The following ACACB variants were observed in gnomAD, a reference collection of about 807,000 sequenced individuals.
The protein encoded by ACACB is acetyl-CoA carboxylase beta, also known as acetyl-CoA carboxylase 2.
ACACB carries 209 observed loss-of-function variants against 278.8 expected under a neutral mutation model. That is an observed-to-expected ratio of 0.75 (90% CI 0.67 to 0.84). The LOEUF is 0.84. ACACB is among the 40% of genes least tolerant of loss of function. ACACB has a pLI of 0.00. For missense variants in ACACB, 2,850 were observed against 3,269.0 expected, an observed-to-expected ratio of 0.87 and a Z score of 3.13; for synonymous variants, 1,174 against 1,285.6, an observed-to-expected ratio of 0.91 and a Z score of 1.86.
At chr12:109,241,328 G>A (rs2046793797) in intron 36 of ACACB, 47 bp downstream of exon 36, 4 of 1,555,438 alleles carry the variant, frequency 2.6e-6, no homozygotes, top group African/African-American at 2.7e-5. Flanking sequence ...GCAGAAGCAG[G>A]CTGCTTGGGC....
In ACACB at chr12:109,264,567, A is replaced by G. The variant is rs17848843; in HGVS notation, c.6942+181A>G. ...CGATCCCCAGGTGGCACTGCAGACCAGTGAAATCCAAACACCTGGATGGAA... is the reference window on the plus strand; with the variant it reads ...CGATCCCCAGGTGGCACTGCAGACCGGTGAAATCCAAACACCTGGATGGAA... On this transcript the variant is annotated intron_variant, in intron 50 of 52. Coordinates refer to ENST00000338432, the MANE Select transcript of ACACB (RefSeq NM_001093.4). Among the ~76,000 whole-genome samples the G allele has an allele frequency of 9.2e-5, 14 of 152,296 alleles. No individual in the cohort carries two copies. In the East Asian group the frequency reaches 2.5e-3, roughly 27 times the overall value.
In ACACB at chr12:109,241,212, C is replaced by T. The variant is rs1396653432; in HGVS notation, c.4953C>T (p.Ile1651=). 6.2e-7 allele frequency: 1 copy of T among 1,614,252 alleles called. No individual in the cohort carries two copies. The highest frequency in any genetic ancestry group is 8.5e-7 in the Non-Finnish European group (1 of 1,180,050). The change falls in exon 36 of 53, where the codon ATC becomes ATT. Residue 1651 remains isoleucine (I), a synonymous_variant. Coordinates refer to ENST00000338432, the MANE Select transcript of ACACB (RefSeq NM_001093.4). The stretch of plus-strand genomic sequence containing the variant: ...GTGCCGTTCCCATCCGCCTGTTCAT[C>T]ACCAATGAGTCGGGCTACTACCTGG... ...TGSAVPIRLF[I]TNESGYYLDI...
intron 11 of ACACB, among the ~76,000 whole-genome samples, chr12:109,180,587 T>C (rs1291216403): frequency 1.3e-5 from 2 of 152,180 alleles, no homozygotes; most frequent in African/African-American, 4.8e-5. Context: ...TTTTTAATTT[T>C]GATGGGTATA....
chr12:109,149,374 T>C (rs2043315466), intron 2 of ACACB, among the ~76,000 whole-genome samples: 1 of 152,122 alleles, frequency 6.6e-6, no homozygotes, highest in South Asian at 2.1e-4. Flanking sequence ...TAACAGTTGG[T>C]GGCTTTGTTC....
At chr12:109,179,604 A>T (rs949796612) in intron 10 of ACACB, among the ~76,000 whole-genome samples, 7 of 152,094 alleles carry the variant, frequency 4.6e-5, no homozygotes, top group Non-Finnish European at 7.4e-5. Context: ...CTCCCACCTC[A>T]GCCTCCCAAG....
chr12:109,174,121 C>T lies in ACACB; in HGVS notation c.1118-11C>T, dbSNP rs73398025. The T allele has an allele frequency of 3.3e-4, 535 of 1,604,480 alleles. 2 individuals carry two copies. Among genetic ancestry groups the T allele is most frequent in the Middle Eastern group, 1.5e-3 (9 of 6,042 alleles). On this transcript the variant is annotated splice_polypyrimidine_tract_variant and intron_variant, in intron 6 of 52. Coordinates refer to ENST00000338432, the MANE Select transcript of ACACB (RefSeq NM_001093.4). ...CGGATTCTGCTTCCCTTCTTGTCCC[C>T]GATTCCTCAGGCCCTCCCAGTGAGG...
chr12:109,266,164 G>A, intron 52 of ACACB, 72 bp from the exon 53 acceptor site: 1 of 1,552,166 alleles, frequency 6.4e-7, no homozygotes, highest in Non-Finnish European at 8.7e-7. Context: ...CCCACACAAG[G>A]ACTCTGCCAC....
chr12:109,171,768 C>T, intron 4 of ACACB, 37 bp from the exon 5 acceptor site: 1 of 1,501,824 alleles, frequency 6.7e-7, no homozygotes, highest in Admixed American at 1.7e-5. Flanking sequence ...GTCAGTCTGT[C>T]AGCAGTTCCT....
chr12:109,148,792 A>G (rs1415332035), intron 2 of ACACB, among the ~76,000 whole-genome samples: 1 of 151,824 alleles, frequency 6.6e-6, no homozygotes, highest in Non-Finnish European at 1.5e-5. Flanking sequence ...TGCCTAATAA[A>G]TGTGTGTGTG....
At chr12:109,169,875 T>A (rs193107937) in intron 4 of ACACB, among the ~76,000 whole-genome samples, 8 of 152,334 alleles carry the variant, frequency 5.3e-5, no homozygotes, top group Admixed American at 3.9e-4. Context: ...TGGCCGACAC[T>A]TCTGTGTTTG....
Position 109,216,935 on chromosome 12 carries a change from G to C in ACACB, c.3564+15G>C. 2 of 1,611,828 alleles carry C rather than the reference G, an allele frequency of 1.2e-6. No individual in the cohort carries two copies. The highest frequency in any genetic ancestry group is 1.7e-6 in the Non-Finnish European group (2 of 1,179,466). On this transcript the variant is annotated intron_variant, in intron 24 of 52. Coordinates refer to ENST00000338432, the MANE Select transcript of ACACB (RefSeq NM_001093.4). ...TCATGTTGATCGTAAGCAGGAAGAG[G>C]GCCTGTTACTAGACTGGGGGTGGGT...
intron 42 of ACACB, 36 bp from the exon 43 acceptor site, chr12:109,252,979 G>T (rs372318984): frequency 6.4e-7 from 1 of 1,569,972 alleles, no homozygotes; most frequent in Non-Finnish European, 8.6e-7. Flanking sequence ...GCCCTGCACC[G>T]TGCAGGACAT....
rs2047516340 is a variant in ACACB at position 109,266,299 on chromosome 12, C to G, written c.7314C>G (p.Ser2438Arg). The G allele has an allele frequency of 6.2e-7, 1 of 1,613,734 alleles. No individual in the cohort carries two copies. Among genetic ancestry groups the G allele is most frequent in the African/African-American group, 1.3e-5 (1 of 74,932 alleles). Reference sequence around the variant, plus strand: ...TGATATACCTGAGCCAGCACATCAGCCCAGCTGAGCGGGCGCAGGTCGTTC... The same window carrying G: ...TGATATACCTGAGCCAGCACATCAGGCCAGCTGAGCGGGCGCAGGTCGTTC... Reference protein sequence around the residue: ...DCVIYLSQHISPAERAQVVHL... With the variant: ...DCVIYLSQHIRPAERAQVVHL... The change falls in exon 53 of 53, where the codon AGC becomes AGG. Residue 2438 changes from serine to arginine, a missense_variant. This residue lies in a region of ACACB where 579 missense variants were observed against 684.6 expected (regional missense o/e 0.85). Coordinates refer to ENST00000338432, the MANE Select transcript of ACACB (RefSeq NM_001093.4).
chr12:109,175,850 CA>C, intron 7 of ACACB, 80 bp from the exon 8 acceptor site: 1 of 1,210,932 alleles, frequency 8.3e-7, no homozygotes, highest in African/African-American at 1.5e-5. Context: ...ACTATGTCAG[CA>C]GGGAGAGGCG....
chr12:109,199,521 T>C lies in ACACB; in HGVS notation c.2747T>C (p.Val916Ala), dbSNP rs1565913509. 4 of 1,516,360 alleles carry C rather than the reference T, an allele frequency of 2.6e-6. No individual in the cohort carries two copies. The highest frequency in any genetic ancestry group is 3.5e-6 in the Non-Finnish European group (4 of 1,128,858). The allele number at this position is 1,516,360 out of a possible 1,614,324, so 93.9% of individuals were successfully genotyped here. A position where few individuals can be genotyped will look rare whatever the true frequency, so the allele number is the denominator to read the frequency against. ...TACACAGTGGAGGATGGGGGCCACG[T>C]TGAGGCTGGGAGCAGCTACGCTGAG... ...TQYTVEDGGH[V>A]EAGSSYAEME... Residue 916 changes from valine (V) to alanine (A), a missense_variant, in exon 18 of 53, where the codon GTT (valine) becomes GCT (alanine). By Grantham distance (64) the Val-to-Ala change is moderately conservative. Around this residue, in one of 3 missense-constraint regions of ACACB, gnomAD observed 2,265 missense variants for 2,561.3 expected, o/e 0.88. Transcript: ENST00000338432.
At position 109,191,902 on chromosome 12, in the gene ACACB, A is replaced by G. The variant is rs757403439; in HGVS notation, c.2351A>G (p.Asp784Gly). ...GTATGCGGGGCCTTGAACGTGGCCGATGCGATGTTCAGAACGTGCATGACA... is the reference window on the plus strand; with the variant it reads ...GTATGCGGGGCCTTGAACGTGGCCGGTGCGATGTTCAGAACGTGCATGACA... ...GVVCGALNVA[D>G]AMFRTCMTDF... The change falls in exon 15 of 53, where the codon GAT becomes GGT. Residue 784 changes from aspartate to glycine, a missense_variant. Asp to Gly is a moderately conservative substitution (Grantham distance 94). Coordinates refer to ENST00000338432, the MANE Select transcript of ACACB (RefSeq NM_001093.4). 1.3e-5 allele frequency: 21 copies of G among 1,614,078 alleles called. No homozygotes were observed. The highest frequency in any genetic ancestry group is 4.0e-5 in the African/African-American group (3 of 74,918).
rs757251180 is a variant in ACACB, at chr12:109,168,041, G to A, written c.925+7G>A. ...GACCTTAAGGCCAACGCAGGTACCT[G>A]GGCCTTGACCCTCTCCTCCCATCAC... is the stretch of plus-strand genomic sequence containing the variant. On this transcript the variant is annotated splice_region_variant and intron_variant, in intron 4 of 52. Coordinates refer to ENST00000338432, the MANE Select transcript of ACACB (RefSeq NM_001093.4). 3 of 1,600,728 alleles carry A rather than the reference G, an allele frequency of 1.9e-6. No individual in the cohort carries two copies. The highest frequency in any genetic ancestry group is 1.3e-5 in the African/African-American group (1 of 74,716).
chr12:109,251,838 C>G (rs924179952), intron 41 of ACACB, among the ~76,000 whole-genome samples: 1 of 152,194 alleles, frequency 6.6e-6, no homozygotes, highest in African/African-American at 2.4e-5. Context: ...TCTTTGTTAA[C>G]CATGTTATTT....
At chr12:109,126,524 T>C (rs1485016114) in intron 1 of ACACB, among the ~76,000 whole-genome samples, 1 of 151,740 alleles carries the variant, frequency 6.6e-6, no homozygotes, top group East Asian at 1.9e-4. Context: ...CTCTACAAAA[T>C]ATAAAAAAGA....
Sources: allele counts gnomAD v4.1 joint callset (sites outside exome capture counted in the v4.1 genomes callset), GRCh38; gene constraint gnomAD v4.1.1; regional missense constraint gnomAD v4.1.1; transcripts MANE v1.5; gene names NCBI Gene and HGNC (gene_info 2026-07-23, HGNC 2026-07-21).